PELI1: variants seen among roughly 807,000 people sequenced by gnomAD.
PELI1 encodes the protein E3 ubiquitin-protein ligase pellino homolog 1.
PELI1 carries 15 observed loss-of-function variants against 41.3 expected under a neutral mutation model. The ratio of observed to expected loss-of-function variants is 0.36; its 90% confidence interval spans 0.24 to 0.56. The LOEUF (loss-of-function observed/expected upper bound fraction) is 0.56. PELI1 is among the 20% of genes least tolerant of loss of function. PELI1 has a pLI of 0.82. For synonymous variants in PELI1, 178 were observed against 180.1 expected (o/e 0.99, Z 0.09); for missense variants, 403 against 525.5 (o/e 0.77, Z 2.28).
rs1168215671 is a variant in PELI1, at chr2:64,094,303, A to AAT, written c.*397_*398dup. On this transcript the variant is annotated 3_prime_UTR_variant, in exon 7 of 7. Coordinates refer to ENST00000358912, the MANE Select transcript of PELI1 (RefSeq NM_020651.4). Reference sequence around the variant, plus strand: ...TAATAAAGATAAATAGAAAAAAGTTAATATACATGTCGCTGTATTTTACAA... The same window carrying AAT: ...TAATAAAGATAAATAGAAAAAAGTTAATATATACATGTCGCTGTATTTTACAA... The AAT allele has an allele frequency of 1.2e-5, 2 of 162,636 alleles. No individual in the cohort carries two copies. Among genetic ancestry groups the AAT allele is most frequent in the Non-Finnish European group, 2.7e-5 (2 of 74,074 alleles). The allele number at this position is 162,636 out of a possible 1,614,324, so 10.1% of individuals were successfully genotyped here.
chr2:64,119,398 C>T (rs1292552310), intron 1 of PELI1, among the ~76,000 whole-genome samples: 1 of 152,158 alleles, frequency 6.6e-6, no homozygotes, highest in East Asian at 1.9e-4. Context: ...ATCGTTAGCA[C>T]CACAAGCTAT....
chr2:64,133,343 GAAGA>G (rs1681617605), intron 1 of PELI1, among the ~76,000 whole-genome samples: 1 of 152,174 alleles, frequency 6.6e-6, no homozygotes, highest in South Asian at 2.1e-4. Flanking sequence ...AGTATAGATA[GAAGA>G]GAGAGACTTT....
At chr2:64,104,576 C>A in intron 3 of PELI1, 125 bp downstream of exon 3, 1 of 1,353,754 alleles carries the variant, frequency 7.4e-7, no homozygotes, top group Non-Finnish European at 9.5e-7. Flanking sequence ...GTCTCTTCTC[C>A]AATCCAAACA....
At chr2:64,134,903 T>A (rs1681665007) in intron 1 of PELI1, among the ~76,000 whole-genome samples, 1 of 152,168 alleles carries the variant, frequency 6.6e-6, no homozygotes, top group African/African-American at 2.4e-5. Flanking sequence ...TTAAGCCAAA[T>A]GATATGTTGA....
At chr2:64,099,199 C>CACACACAT (rs773913074) in intron 4 of PELI1, among the ~76,000 whole-genome samples, 2 of 151,054 alleles carry the variant, frequency 1.3e-5, no homozygotes, top group Non-Finnish European at 3.0e-5. Flanking sequence ...CACACACACA[C>CACACACAT]ACATATATAT....
chr2:64,136,736 C>G (rs1456898307), intron 1 of PELI1, among the ~76,000 whole-genome samples: 1 of 152,124 alleles, frequency 6.6e-6, no homozygotes, highest in Non-Finnish European at 1.5e-5. Flanking sequence ...AACCCTGTCT[C>G]TACTAAAATA....
chr2:64,127,447 T>C (rs1681427348), intron 1 of PELI1, among the ~76,000 whole-genome samples: 1 of 152,238 alleles, frequency 6.6e-6, no homozygotes, highest in East Asian at 1.9e-4. Context: ...TAGTAGATCA[T>C]AACATCACAG....
chr2:64,137,356 G>A (rs1166286447), intron 1 of PELI1, among the ~76,000 whole-genome samples: 2 of 152,118 alleles, frequency 1.3e-5, no homozygotes, highest in East Asian at 1.9e-4. Flanking sequence ...ATGCCATAGC[G>A]ACAAGACTTA....
intron 1 of PELI1, among the ~76,000 whole-genome samples, chr2:64,111,309 C>A (rs1377051409): frequency 6.6e-6 from 1 of 152,068 alleles, no homozygotes; most frequent in African/African-American, 2.4e-5. Flanking sequence ...AATAAGAACA[C>A]GTCAAAGGAA....
intron 1 of PELI1, among the ~76,000 whole-genome samples, chr2:64,118,129 G>A (rs1359831373): frequency 2.0e-5 from 3 of 152,078 alleles, no homozygotes; most frequent in Non-Finnish European, 4.4e-5. Context: ...TTTAAACAGA[G>A]TGAATATTTT....
chr2:64,108,472 T>C lies in PELI1; in HGVS notation c.-69-93A>G, dbSNP rs993403570. On this transcript the variant is annotated intron_variant, in intron 1 of 6. Transcript: ENST00000358912. ...TCAGCAGTCCTCTTGAACACAATAT[T>C]ATGCAAACCATCACAAGGTATATAC... is the stretch of plus-strand genomic sequence containing the variant. 4 of 592,206 alleles carry C rather than the reference T, an allele frequency of 6.8e-6. No individual in the cohort carries two copies. The African/African-American group carries it at 7.5e-5, about 11-fold the overall frequency. The allele number at this position is 592,206 out of a possible 1,614,324, so 36.7% of individuals were successfully genotyped here. A position where few individuals can be genotyped will look rare whatever the true frequency, so the allele number is the denominator to read the frequency against.
chr2:64,131,504 G>T (rs943894539), intron 1 of PELI1, among the ~76,000 whole-genome samples: 16 of 151,844 alleles, frequency 1.1e-4, no homozygotes, highest in African/African-American at 3.9e-4. Flanking sequence ...TCCATGCTTG[G>T]TTCAATCCTC....
At chr2:64,124,608 T>C (rs529865005) in intron 1 of PELI1, among the ~76,000 whole-genome samples, 4 of 152,386 alleles carry the variant, frequency 2.6e-5, no homozygotes, top group African/African-American at 9.6e-5. Context: ...CCAGAAATTA[T>C]GAAATTGACA....
At chr2:64,117,426 CA>C (rs1315332857) in intron 1 of PELI1, among the ~76,000 whole-genome samples, 3 of 151,744 alleles carry the variant, frequency 2.0e-5, no homozygotes, top group Non-Finnish European at 4.4e-5. Flanking sequence ...CACTTAGTTT[CA>C]AGGTAGAATG....
chr2:64,140,798 AAC>A (rs1311240739), intron 1 of PELI1, among the ~76,000 whole-genome samples: 10 of 137,322 alleles, frequency 7.3e-5, no homozygotes, highest in African/African-American at 2.6e-4. Context: ...AAAAAAAAAA[AAC>A]AAACAAACAA....
intron 1 of PELI1, among the ~76,000 whole-genome samples, chr2:64,133,907 CA>C (rs1334478125): frequency 6.6e-6 from 1 of 152,062 alleles, no homozygotes; most frequent in Non-Finnish European, 1.5e-5. Flanking sequence ...ATGAAGCCCA[CA>C]ACCTATAGAT....
chr2:64,141,606 T>A (rs2103753507), intron 1 of PELI1, among the ~76,000 whole-genome samples: 1 of 152,280 alleles, frequency 6.6e-6, no homozygotes, highest in African/African-American at 2.4e-5. Flanking sequence ...CCTGACCTAC[T>A]AGAAAACCAT....
chr2:64,108,519 A>C (rs576215087), intron 1 of PELI1, 140 bp from the exon 2 acceptor site: 107 of 479,002 alleles, frequency 2.2e-4, no homozygotes, highest in Non-Finnish European at 3.5e-4. Flanking sequence ...CATTTTGCCC[A>C]ATAATGATTA....
intron 1 of PELI1, among the ~76,000 whole-genome samples, chr2:64,109,288 C>T (rs1450643516): frequency 1.3e-5 from 2 of 152,196 alleles, no homozygotes; most frequent in Non-Finnish European, 2.9e-5. Flanking sequence ...CCAGTGGAAA[C>T]AGAAGGTTTA....
Sources: gnomAD v4.1 joint callset for allele counts (sites outside exome capture counted in the v4.1 genomes callset) on GRCh38, gnomAD v4.1.1 for gene constraint, MANE v1.5 for transcripts, NCBI Gene and HGNC (gene_info 2026-07-23, HGNC 2026-07-21) for gene names.